Variants in PTCHD4 observed in about 807,000 individuals in gnomAD.
PTCHD4 encodes patched domain-containing protein 4.
In PTCHD4, 33 loss-of-function variants were observed where a neutral mutation model predicts 58.1. The observed-to-expected ratio is 0.57, with a 90% confidence interval of 0.43 to 0.76. The LOEUF is 0.76. Ranked by LOEUF, PTCHD4 falls within the 30% of genes least tolerant of loss-of-function variation. PTCHD4 has a pLI of 0.00. For missense variants in PTCHD4, 1,058 were observed against 1,027.1 expected (o/e 1.03, Z -0.41); for synonymous variants, 478 against 409.6 (o/e 1.17, Z -2.02).
intron 4 of PTCHD4, among the ~76,000 whole-genome samples, chr6:47,908,896 T>C (rs1037473186): frequency 6.6e-6 from 1 of 152,036 alleles, no homozygotes; most frequent in Non-Finnish European, 1.5e-5. Context: ...TTTGAAAAGA[T>C]TACAATATGG....
intron 4 of PTCHD4, among the ~76,000 whole-genome samples, chr6:47,921,311 C>T (rs529087961): frequency 6.6e-6 from 1 of 152,212 alleles, no homozygotes; most frequent in African/African-American, 2.4e-5. Flanking sequence ...ATTCACCATC[C>T]TATTTGCTAT....
chr6:48,041,189 C>T (rs1763832787), intron 3 of PTCHD4, among the ~76,000 whole-genome samples: 1 of 151,984 alleles, frequency 6.6e-6, no homozygotes, highest in Non-Finnish European at 1.5e-5. Flanking sequence ...GAAAGTGGAC[C>T]TCCACCCAGG....
intron 4 of PTCHD4, among the ~76,000 whole-genome samples, chr6:47,967,021 G>A (rs1481546076): frequency 1.3e-5 from 2 of 152,142 alleles, no homozygotes; most frequent in African/African-American, 4.8e-5. Flanking sequence ...ATCTAGAATG[G>A]TGAATCCTTT....
chr6:48,093,897 A>G (rs1025718361), intron 1 of PTCHD4, among the ~76,000 whole-genome samples: 6 of 152,306 alleles, frequency 3.9e-5, no homozygotes, highest in Non-Finnish European at 7.4e-5. Flanking sequence ...TGACCATCCC[A>G]TGAGGGCAAG....
intron 4 of PTCHD4, among the ~76,000 whole-genome samples, chr6:47,921,463 G>A (rs1765430008): frequency 6.6e-6 from 1 of 152,046 alleles, no homozygotes; most frequent in Non-Finnish European, 1.5e-5. Context: ...CTAATTTTCA[G>A]CTGTGCTTAA....
At chr6:47,977,552 G>A (rs754027366) in intron 4 of PTCHD4, among the ~76,000 whole-genome samples, 18 of 152,152 alleles carry the variant, frequency 1.2e-4, no homozygotes, top group South Asian at 2.1e-4. Flanking sequence ...GTTGAAATTT[G>A]ATTCCAGCCT....
intron 1 of PTCHD4, among the ~76,000 whole-genome samples, chr6:48,107,553 G>A (rs1226285721): frequency 6.6e-6 from 1 of 151,848 alleles, no homozygotes; most frequent in African/African-American, 2.4e-5. Context: ...AGGACTTCAT[G>A]TCTAAAACAC....
chr6:48,029,391 A>G (rs1001018068), intron 3 of PTCHD4, among the ~76,000 whole-genome samples: 1 of 152,066 alleles, frequency 6.6e-6, no homozygotes, highest in Non-Finnish European at 1.5e-5. Context: ...TTCCACAACT[A>G]ATGAAAAAAC....
chr6:47,906,547 G>A (rs1764893770), intron 4 of PTCHD4, among the ~76,000 whole-genome samples: 1 of 152,148 alleles, frequency 6.6e-6, no homozygotes, highest in African/African-American at 2.4e-5. Flanking sequence ...TTGGAACCTA[G>A]ATCTTCTCAT....
chr6:48,044,259 C>T (rs900766916), intron 3 of PTCHD4, among the ~76,000 whole-genome samples: 2 of 151,848 alleles, frequency 1.3e-5, no homozygotes, highest in Non-Finnish European at 2.9e-5. Flanking sequence ...GGGTATTCTG[C>T]TGTTATCTGG....
chr6:48,057,564 T>C (rs1764457256), intron 3 of PTCHD4, among the ~76,000 whole-genome samples: 1 of 152,254 alleles, frequency 6.6e-6, no homozygotes, highest in African/African-American at 2.4e-5. Flanking sequence ...TTTCTACTTC[T>C]GGAAGTACTT....
intron 4 of PTCHD4, among the ~76,000 whole-genome samples, chr6:47,937,839 G>A (rs1262255812): frequency 6.6e-6 from 1 of 152,160 alleles, no homozygotes; most frequent in African/African-American, 2.4e-5. Context: ...AACCAAGAAG[G>A]AGACTTGATA....
At chr6:48,045,548 G>C (rs1340543916) in intron 3 of PTCHD4, among the ~76,000 whole-genome samples, 2 of 151,716 alleles carry the variant, frequency 1.3e-5, no homozygotes, top group Non-Finnish European at 2.9e-5. Context: ...CTTCCCTTCA[G>C]AGCATAAGAG....
chr6:47,977,468 C>G (rs1451270674), intron 4 of PTCHD4, among the ~76,000 whole-genome samples: 1 of 152,126 alleles, frequency 6.6e-6, no homozygotes, highest in African/African-American at 2.4e-5. Context: ...AGTTGAGATC[C>G]TCACTCCAAC....
Position 47,873,163 on chromosome 6 carries a change from T to C in PTCHD4, c.*5140A>G, listed in dbSNP as rs1032106657. On this transcript the variant is annotated 3_prime_UTR_variant, in exon 5 of 5. Transcript: ENST00000339488. The stretch of plus-strand genomic sequence containing the variant: ...CCCACTGCAAAGATTAGGTTATGAA[T>C]CTAACAAATGAGAACCCAGTCTTCA... 2.6e-5 allele frequency among the ~76,000 whole-genome samples: 4 copies of C among 151,702 alleles called. No individual in the cohort carries two copies. Among genetic ancestry groups the C allele is most frequent in the African/African-American group, 7.2e-5 (3 of 41,382 alleles).
At chr6:47,994,512 A>G (rs1768405374) in intron 4 of PTCHD4, among the ~76,000 whole-genome samples, 1 of 152,220 alleles carries the variant, frequency 6.6e-6, no homozygotes, top group Non-Finnish European at 1.5e-5. Context: ...AGAAGGCAAA[A>G]GAGAAAACCA....
chr6:47,934,275 C>T (rs1765926807), intron 4 of PTCHD4, among the ~76,000 whole-genome samples: 1 of 152,126 alleles, frequency 6.6e-6, no homozygotes, highest in Non-Finnish European at 1.5e-5. Context: ...GAGAGAGTTC[C>T]TGTTTCCCCT....
At position 48,069,419 on chromosome 6, in the gene PTCHD4, T is replaced by C. The variant is rs1220871236; in HGVS notation, c.-462A>G. Reference sequence around the variant, plus strand: ...AGCCTTCTCGCCCCTCCAGTTTCCCTGTGCCCTCGAATTCTGCTTTTCAGC... The same window carrying C: ...AGCCTTCTCGCCCCTCCAGTTTCCCCGTGCCCTCGAATTCTGCTTTTCAGC... On this transcript the variant is annotated 5_prime_UTR_variant, in exon 2 of 5. Transcript: ENST00000339488. 6.6e-6 allele frequency among the ~76,000 whole-genome samples: 1 copy of C among 152,126 alleles called. No homozygotes were observed. The highest frequency in any genetic ancestry group is 1.5e-5 in the Non-Finnish European group (1 of 68,020).
At chr6:48,091,213 CTTAACCT>C (rs1416024365) in intron 1 of PTCHD4, among the ~76,000 whole-genome samples, 1 of 151,712 alleles carries the variant, frequency 6.6e-6, no homozygotes, top group Non-Finnish European at 1.5e-5. Flanking sequence ...TTTTACTCTT[CTTAACCT>C]AAAACAAAAA....
Sources: allele counts gnomAD v4.1 joint callset (sites outside exome capture counted in the v4.1 genomes callset), GRCh38; gene constraint gnomAD v4.1.1; transcripts MANE v1.5; gene names NCBI Gene and HGNC (gene_info 2026-07-23, HGNC 2026-07-21).